The following NUP35 variants were observed in gnomAD, a reference collection of about 807,000 sequenced individuals.
NUP35 encodes the protein nucleoporin NUP35.
A neutral mutation model predicts 41.5 loss-of-function variants in NUP35; 25 were observed. That is an observed-to-expected ratio of 0.60 (90% confidence interval 0.44 to 0.84). NUP35 has a LOEUF of 0.84. Ranked by LOEUF, NUP35 falls within the 40% of genes least tolerant of loss-of-function variation. The pLI is 0.00. For missense variants in NUP35, 396 were observed against 396.6 expected (o/e 1.00, Z 0.01); for synonymous variants, 149 against 130.7 (o/e 1.14, Z -0.96).
At chr2:183,124,327 A>G, upstream of NUP35, 2 of 1,554,876 alleles carry the variant, frequency 1.3e-6, no homozygotes, top group East Asian at 2.3e-5. Context: ...GGCGCCTACA[A>G]CTTAAGCATA....
At chr2:183,120,813 G>A (rs1399814129), upstream of NUP35, among the ~76,000 whole-genome samples, 1 of 152,130 alleles carries the variant, frequency 6.6e-6, no homozygotes, top group African/African-American at 2.4e-5. Context: ...TCTAAGAGAT[G>A]GAAAGAAAAA....
intron 4 of NUP35, 42 bp from the exon 5 acceptor site, chr2:183,151,466 G>C (rs770166637): frequency 1.3e-6 from 2 of 1,580,986 alleles, no homozygotes; most frequent in East Asian, 4.5e-5. Flanking sequence ...ATCAATCGAG[G>C]TGTTTACACT....
upstream of NUP35, chr2:183,123,896 T>G: frequency 1.2e-6 from 1 of 828,810 alleles, no homozygotes; most frequent in Non-Finnish European, 1.5e-6. Flanking sequence ...TTTGTATGTT[T>G]TAATATGCAA....
At position 183,159,635 on chromosome 2, in the gene NUP35, T is replaced by G; in HGVS notation, c.886T>G (p.Ser296Ala). Residue 296 changes from serine to alanine, a missense_variant, in exon 8 of 9, where the codon TCT (serine) becomes GCT (alanine). By Grantham distance (99) the Ser-to-Ala change is moderately conservative. Coordinates refer to ENST00000295119, the MANE Select transcript of NUP35 (RefSeq NM_138285.5). ...ACCTCTTGCTACAGCATACAAAGCC[T>G]CTACTAGTGATTATCAGGTATTTTA... ...MRPLATAYKA[S>A]TSDYQVISDR... 1 of 1,612,346 alleles carries G rather than the reference T, an allele frequency of 6.2e-7. No individual in the cohort carries two copies.
In NUP35 at chr2:183,159,635, T is replaced by TCTA. The variant is rs1685796861; in HGVS notation, c.890_892dup (p.Thr297dup). ...ACCTCTTGCTACAGCATACAAAGCC[T>TCTA]CTACTAGTGATTATCAGGTATTTTA... is the stretch of plus-strand genomic sequence containing the variant. On this transcript the variant is annotated inframe_insertion, in exon 8 of 9. Coordinates refer to ENST00000295119, the MANE Select transcript of NUP35 (RefSeq NM_138285.5). The TCTA allele has an allele frequency of 6.2e-7, 1 of 1,612,346 alleles. No individual in the cohort carries two copies. Among genetic ancestry groups the TCTA allele is most frequent in the Admixed American group, 1.7e-5 (1 of 59,740 alleles).
chr2:183,132,593 T>G (rs1350089396), intron 3 of NUP35, among the ~76,000 whole-genome samples: 1 of 152,008 alleles, frequency 6.6e-6, no homozygotes, highest in African/African-American at 2.4e-5. Context: ...ATTAAAAAAT[T>G]GTTTGTTGCA....
At chr2:183,123,797 G>GC, upstream of NUP35, 13 of 985,374 alleles carry the variant, frequency 1.3e-5, no homozygotes, top group South Asian at 4.7e-4. Flanking sequence ...GCAGAAGCAC[G>GC]CAAGATTCCG....
At position 183,152,196 on chromosome 2, in the gene NUP35, A is replaced by C. The variant is rs11904642; in HGVS notation, c.539+547A>C. Among the ~76,000 whole-genome samples the C allele has an allele frequency of 4.3e-3, 245 of 56,502 alleles. 2 individuals are homozygous for C. The highest frequency in any genetic ancestry group is 0.01 in the African/African-American group (233 of 23,288). 37.1% of individuals were successfully genotyped at this position (56,502 alleles called of 152,430 possible). ...TACTTTCTGGTCCACAAAGTATTGA[A>C]TATTAATAGAAACAGTATGACAGTC... On this transcript the variant is annotated intron_variant, in intron 5 of 8. Transcript: ENST00000295119.
Position 183,159,584 on chromosome 2 carries a change from A to G in NUP35, c.835A>G (p.Ser279Gly). ...KTLGTPTQPG[S>G]TPRISTMRPL... ...TCTAGGTACACCAACACAACCTGGA[A>G]GTACTCCTAGGATTTCTACCATGAG... is the stretch of plus-strand genomic sequence containing the variant. Residue 279 changes from serine to glycine, a missense_variant, in exon 8 of 9, where the codon AGT becomes GGT. Transcript: ENST00000295119. 1 of 1,613,226 alleles carries G rather than the reference A, an allele frequency of 6.2e-7. No homozygotes were observed. The highest frequency in any genetic ancestry group is 8.5e-7 in the Non-Finnish European group (1 of 1,179,488).
At chr2:183,134,101 CAACCACTGATTATAT>C (rs1449671616) in intron 4 of NUP35, among the ~76,000 whole-genome samples, 1 of 152,156 alleles carries the variant, frequency 6.6e-6, no homozygotes, top group Admixed American at 6.5e-5. Flanking sequence ...TGAATAGAAG[CAACCACTGATTATAT>C]ACCTAGTTTT....
intron 4 of NUP35, among the ~76,000 whole-genome samples, chr2:183,135,043 G>T (rs1684828064): frequency 6.6e-6 from 1 of 152,030 alleles, no homozygotes; most frequent in Non-Finnish European, 1.5e-5. Context: ...CCATTCTTCT[G>T]TAGTCATATC....
At chr2:183,151,232 C>A (rs1685459854) in intron 4 of NUP35, among the ~76,000 whole-genome samples, 1 of 152,098 alleles carries the variant, frequency 6.6e-6, no homozygotes, top group South Asian at 2.1e-4. Flanking sequence ...CCTGGGATAT[C>A]CTTCTGGTGT....
At chr2:183,155,030 A>G (rs1224170622) in intron 5 of NUP35, among the ~76,000 whole-genome samples, 1 of 152,180 alleles carries the variant, frequency 6.6e-6, no homozygotes, top group Non-Finnish European at 1.5e-5. Flanking sequence ...TATCATGAGA[A>G]TAGCATAGGA....
chr2:183,130,866 A>C (rs1684673628), intron 3 of NUP35: 1 of 763,448 alleles, frequency 1.3e-6, no homozygotes, highest in South Asian at 3.2e-5. Context: ...TGATTGTTTA[A>C]GAAGTTTAAT....
At position 183,157,445 on chromosome 2, in the gene NUP35, T is replaced by G. The variant is rs2105618452; in HGVS notation, c.541T>G (p.Phe181Val). Reference protein sequence around the residue: ...LDDSWVTVFGFPQASASYILL... With the variant: ...LDDSWVTVFGVPQASASYILL... ...TCTTTGGACAACTCTTTTTTTCAGG[T>G]TTCCTCAAGCATCTGCTTCCTACAT... The change falls in exon 6 of 9, where the codon TTT becomes GTT. Residue 181 changes from phenylalanine (F) to valine (V), a missense_variant and splice_region_variant. Coordinates refer to ENST00000295119, the MANE Select transcript of NUP35 (RefSeq NM_138285.5). The G allele has an allele frequency of 6.2e-7, 1 of 1,610,218 alleles. No individual in the cohort carries two copies. Among genetic ancestry groups the G allele is most frequent in the Non-Finnish European group, 8.5e-7 (1 of 1,176,682 alleles).
At chr2:183,133,197 T>G (rs1684754263) in intron 3 of NUP35, among the ~76,000 whole-genome samples, 1 of 152,182 alleles carries the variant, frequency 6.6e-6, no homozygotes, top group Non-Finnish European at 1.5e-5. Flanking sequence ...TCAAATTTTG[T>G]CACCCTTCTG....
chr2:183,158,484 C>A, intron 7 of NUP35, 73 bp downstream of exon 7: 2 of 1,336,878 alleles, frequency 1.5e-6, no homozygotes, highest in South Asian at 3.5e-5. Context: ...TGAAATTGGT[C>A]GTTGTGTCAC....
chr2:183,131,816 T>G (rs1169400481), intron 3 of NUP35, among the ~76,000 whole-genome samples: 1 of 152,202 alleles, frequency 6.6e-6, no homozygotes. Context: ...ACTTTTAAAA[T>G]GTGCCTACTA....
At chr2:183,153,394 T>A (rs990654396) in intron 5 of NUP35, among the ~76,000 whole-genome samples, 6 of 152,270 alleles carry the variant, frequency 3.9e-5, no homozygotes, top group Non-Finnish European at 8.8e-5. Context: ...CCCTTCCACC[T>A]ATGAGCCTGT....
Sources: gnomAD v4.1 joint callset for allele counts (sites outside exome capture counted in the v4.1 genomes callset) on GRCh38, gnomAD v4.1.1 for gene constraint, MANE v1.5 for transcripts, NCBI Gene and HGNC (gene_info 2026-07-23, HGNC 2026-07-21) for gene names.